SLC4A5: variants seen among roughly 807,000 people sequenced by gnomAD.
SLC4A5 encodes solute carrier family 4 member 5.
A neutral mutation model predicts 120.4 loss-of-function variants in SLC4A5; 96 were observed. That is an observed-to-expected ratio of 0.80 (90% CI 0.68 to 0.94). The LOEUF is 0.94. Among genes scored for constraint, SLC4A5 ranks in the 40% least tolerant of loss-of-function variants. The pLI, the probability that SLC4A5 is intolerant of heterozygous loss-of-function variation, is 0.00. For missense variants in SLC4A5, 1,259 were observed against 1,459.5 expected (o/e 0.86, Z 2.24); for synonymous variants, 550 against 571.1 (o/e 0.96, Z 0.53).
chr2:74,311,435 A>G (rs2104286184), intron 6 of SLC4A5, among the ~76,000 whole-genome samples: 1 of 152,096 alleles, frequency 6.6e-6, no homozygotes, highest in South Asian at 2.1e-4. Flanking sequence ...TATGCATTTA[A>G]TGTTATTCAT....
At chr2:74,219,184 T>C (rs1694538935) in intron 30 of SLC4A5, among the ~76,000 whole-genome samples, 1 of 105,640 alleles carries the variant, frequency 9.5e-6, no homozygotes, top group Admixed American at 8.6e-5. Context: ...GAGGTGTGTG[T>C]GTGTGTGTGT....
chr2:74,262,336 T>C, intron 10 of SLC4A5, 104 bp from the exon 11 acceptor site: 1 of 712,042 alleles, frequency 1.4e-6, no homozygotes, highest in South Asian at 2.2e-5. Context: ...TGGCAAGACA[T>C]GTCTCTTCCC....
rs573175540 is a variant in SLC4A5, at chr2:74,258,999, T to A, written c.867+589A>T. ...CTCCTGTCCTTGAGGTATGCAGGAG[T>A]TGGAATTAAGGGGGCCTCCTCTGGG... On this transcript the variant is annotated intron_variant, in intron 12 of 30. Coordinates refer to ENST00000394019, the Ensembl canonical transcript of SLC4A5. 1.7e-4 allele frequency among the ~76,000 whole-genome samples: 26 copies of A among 151,886 alleles called. No homozygotes were observed. In the South Asian group the frequency reaches 4.4e-3, roughly 26 times the overall value.
chr2:74,262,119 G>A lies in SLC4A5; in HGVS notation c.811+18C>T, dbSNP rs763775657. ...AGCCTGAATAAAGCTGCCACAGAGCGGCAGAGCACACACTCACACAGACGT... is the reference window on the plus strand; with the variant it reads ...AGCCTGAATAAAGCTGCCACAGAGCAGCAGAGCACACACTCACACAGACGT... On this transcript the variant is annotated intron_variant, in intron 11 of 30. Coordinates refer to ENST00000394019, the Ensembl canonical transcript of SLC4A5. The A allele has an allele frequency of 9.3e-6, 15 of 1,608,526 alleles. No individual in the cohort carries two copies. The highest frequency in any genetic ancestry group is 3.3e-5 in the South Asian group (3 of 90,552).
At chr2:74,337,296 C>A (rs1673516376) in intron 3 of SLC4A5, among the ~76,000 whole-genome samples, 1 of 152,090 alleles carries the variant, frequency 6.6e-6, no homozygotes, top group South Asian at 2.1e-4. Context: ...ACTTTGACCT[C>A]CACAATAACC....
chr2:74,231,906 T>C (rs1315335007), intron 24 of SLC4A5, among the ~76,000 whole-genome samples: 1 of 152,110 alleles, frequency 6.6e-6, no homozygotes, highest in Non-Finnish European at 1.5e-5. Flanking sequence ...GGCAGCCACG[T>C]AGGAGAAAGC....
intron 5 of SLC4A5, among the ~76,000 whole-genome samples, chr2:74,324,403 C>T (rs953484123): frequency 3.9e-5 from 6 of 152,074 alleles, no homozygotes; most frequent in Non-Finnish European, 7.4e-5. Context: ...TGGGATTACA[C>T]GTGTGAGCAG....
At chr2:74,280,082 C>G (rs115744291) in intron 8 of SLC4A5, among the ~76,000 whole-genome samples, 1,732 of 152,242 alleles carry the variant, frequency 0.011, 19 homozygotes, top group African/African-American at 0.021. Context: ...CTGAAGCTCT[C>G]AGCACCAAGT....
chr2:74,232,496 C>G (rs771248335), exon 24 of SLC4A5: 1 of 1,614,022 alleles, frequency 6.2e-7, no homozygotes, highest in Non-Finnish European at 8.5e-7. Flanking sequence ...GGGCTGCTCC[C>G]CAGGGGCACT....
rs1182761794 is a variant in SLC4A5, at chr2:74,284,162, CT to C, written c.401+1610del. ...TGTGCCTAGCCCTTATTCCTTATTT[CT>C]TTTTTTTTTTTTTTTTTTTTTTTTG... On this transcript the variant is annotated intron_variant, in intron 8 of 30. Transcript: ENST00000394019. 5.3e-4 allele frequency among the ~76,000 whole-genome samples: 43 copies of C among 81,090 alleles called. 1 individual carries two copies. Among genetic ancestry groups the C allele is most frequent in the Middle Eastern group, 9.3e-3 (1 of 108 alleles). 53.2% of individuals were successfully genotyped at this position (81,090 alleles called of 152,430 possible). A position where few individuals can be genotyped will look rare whatever the true frequency, so the allele number is the denominator to read the frequency against.
intron 6 of SLC4A5, among the ~76,000 whole-genome samples, chr2:74,308,434 T>A (rs537583890): frequency 2.0e-5 from 3 of 152,226 alleles, no homozygotes; most frequent in Non-Finnish European, 4.4e-5. Flanking sequence ...TAGGTGTTAG[T>A]GGATCTTATT....
At position 74,229,727 on chromosome 2, in the gene SLC4A5, A is replaced by G. The variant is rs190108422; in HGVS notation, c.2847+1509T>C. 5.3e-5 allele frequency among the ~76,000 whole-genome samples: 8 copies of G among 152,300 alleles called. No homozygotes were observed. In the East Asian group the frequency reaches 1.3e-3, roughly 26 times the overall value. ...CTGTGTGTAATTTGTTTCCCCCACA[A>G]GGGAAATATCCCTTAAAAAATGCCA... On this transcript the variant is annotated intron_variant, in intron 25 of 30. Coordinates refer to ENST00000394019, the Ensembl canonical transcript of SLC4A5.
intron 14 of SLC4A5, among the ~76,000 whole-genome samples, chr2:74,253,890 A>G (rs1363331133): frequency 2.6e-5 from 4 of 152,242 alleles, no homozygotes; most frequent in African/African-American, 7.2e-5. Context: ...GATATTTTCA[A>G]TGATTGAGAG....
chr2:74,280,873 G>C (rs894688739), intron 8 of SLC4A5, among the ~76,000 whole-genome samples: 6 of 152,076 alleles, frequency 3.9e-5, no homozygotes, highest in Admixed American at 6.5e-5. Context: ...TTTTAGTAGA[G>C]ATGGGGTTTC....
At chr2:74,316,326 A>T (rs1232383169) in intron 5 of SLC4A5, among the ~76,000 whole-genome samples, 67 of 142,902 alleles carry the variant, frequency 4.7e-4, no homozygotes, top group African/African-American at 1.6e-3. Flanking sequence ...AGTTGTAAAA[A>T]AAAAAAAAAA....
Position 74,266,947 on chromosome 2 carries a change from AATATTT to A in SLC4A5, c.402-1689_402-1684del, listed in dbSNP as rs535360374. On this transcript the variant is annotated intron_variant, in intron 8 of 30. Transcript: ENST00000394019. ...GCAACAAAGAAAGCATCAAAATACT[AATATTT>A]ATAACAATGCTCCTTTGAATTAATA... Among the ~76,000 whole-genome samples, 24 of 152,366 alleles carry A rather than the reference AATATTT, an allele frequency of 1.6e-4. No homozygotes were observed. The South Asian group carries it at 4.6e-3, about 29-fold the overall frequency.
chr2:74,302,585 C>G (rs1672506041), intron 7 of SLC4A5, among the ~76,000 whole-genome samples: 1 of 152,248 alleles, frequency 6.6e-6, no homozygotes, highest in South Asian at 2.1e-4. Flanking sequence ...CCACTTAACT[C>G]TAGCCTGGGC....
chr2:74,290,075 C>T (rs961746245), intron 7 of SLC4A5, among the ~76,000 whole-genome samples: 19 of 152,154 alleles, frequency 1.2e-4, no homozygotes, highest in Non-Finnish European at 2.1e-4. Context: ...AGACCACATC[C>T]CTGAAGAGGA....
chr2:74,319,048 C>T (rs1167262115), intron 5 of SLC4A5, among the ~76,000 whole-genome samples: 1 of 151,744 alleles, frequency 6.6e-6, no homozygotes, highest in African/African-American at 2.4e-5. Context: ...AAAATGAAAT[C>T]ATGTCTTTTG....
Sources: gnomAD v4.1 joint callset for allele counts (sites outside exome capture counted in the v4.1 genomes callset) on GRCh38, gnomAD v4.1.1 for gene constraint, MANE v1.5 for transcripts, NCBI Gene and HGNC (gene_info 2026-07-23, HGNC 2026-07-21) for gene names.